The following SLC25A13 variants were observed in gnomAD, a reference collection of about 807,000 sequenced individuals.
SLC25A13 encodes the protein solute carrier family 25 member 13.
SLC25A13 carries 70 observed loss-of-function variants against 85.5 expected under a neutral mutation model. The observed-to-expected ratio is 0.82, with a 90% confidence interval of 0.68 to 1.00. The LOEUF is 1.00. Among genes scored for constraint, SLC25A13 ranks in the 50% least tolerant of loss-of-function variants. The pLI is 0.00. For synonymous variants in SLC25A13, 259 were observed against 288.7 expected, an observed-to-expected ratio of 0.90 and a Z score of 1.04; for missense variants, 765 against 819.8, an observed-to-expected ratio of 0.93 and a Z score of 0.82.
chr7:96,136,744 A>G (rs1321713628), intron 14 of SLC25A13, among the ~76,000 whole-genome samples: 1 of 152,068 alleles, frequency 6.6e-6, no homozygotes, highest in Non-Finnish European at 1.5e-5. Flanking sequence ...AGGTAATTAC[A>G]CTCACAAAGG....
At chr7:96,168,687 A>C (rs1051681685) in intron 13 of SLC25A13, among the ~76,000 whole-genome samples, 6 of 152,198 alleles carry the variant, frequency 3.9e-5, no homozygotes, top group African/African-American at 1.4e-4. Flanking sequence ...TTACATTTTA[A>C]TTCTTACAGA....
At chr7:96,231,048 T>C (rs957353536) in intron 4 of SLC25A13, among the ~76,000 whole-genome samples, 1 of 151,734 alleles carries the variant, frequency 6.6e-6, no homozygotes, top group Non-Finnish European at 1.5e-5. Flanking sequence ...TAAGCAGAGG[T>C]TGCAGTGAGC....
At chr7:96,280,237 G>C (rs1211299333) in intron 2 of SLC25A13, among the ~76,000 whole-genome samples, 1 of 151,962 alleles carries the variant, frequency 6.6e-6, no homozygotes, top group Non-Finnish European at 1.5e-5. Context: ...ACTAGTACCT[G>C]GTAGATAGTG....
chr7:96,226,148 A>C (rs1796321402), intron 4 of SLC25A13, among the ~76,000 whole-genome samples: 1 of 152,296 alleles, frequency 6.6e-6, no homozygotes, highest in Admixed American at 6.5e-5. Context: ...TGCTTAACCA[A>C]AACTTTATGC....
chr7:96,312,252 T>C (rs1799976924), intron 1 of SLC25A13, among the ~76,000 whole-genome samples: 1 of 152,172 alleles, frequency 6.6e-6, no homozygotes, highest in Admixed American at 6.5e-5. Context: ...CTCAAAGAAC[T>C]TAACTACTCT....
intron 2 of SLC25A13, among the ~76,000 whole-genome samples, chr7:96,290,597 GA>G (rs756252652): frequency 0.032 from 3,107 of 96,358 alleles, 93 homozygotes; most frequent in African/African-American, 0.095. Context: ...CAAGCAAATG[GA>G]AAAAAAAAAA....
At chr7:96,240,328 C>G (rs987299459) in intron 3 of SLC25A13, among the ~76,000 whole-genome samples, 1 of 152,240 alleles carries the variant, frequency 6.6e-6, no homozygotes, top group Admixed American at 6.5e-5. Flanking sequence ...GTTTGGTGAA[C>G]ATGAACTCAG....
At position 96,144,356 on chromosome 7, in the gene SLC25A13, T is replaced by C. The variant is rs930199474; in HGVS notation, c.1452+2200A>G. 2.0e-5 allele frequency among the ~76,000 whole-genome samples: 3 copies of C among 152,300 alleles called. No homozygotes were observed. The East Asian group carries it at 5.8e-4, about 29-fold the overall frequency. ...TGACTCCCGGGTCTCTGAATGTAGC[T>C]GATACTGATGACCAACAGGAAGATA... On this transcript the variant is annotated intron_variant, in intron 14 of 17. Transcript: ENST00000265631.
At chr7:96,315,113 A>G (rs1469868218) in intron 1 of SLC25A13, among the ~76,000 whole-genome samples, 7 of 152,316 alleles carry the variant, frequency 4.6e-5, no homozygotes, top group Non-Finnish European at 1.5e-5. Context: ...AAAACTGTAT[A>G]AACTTGATGC....
intron 4 of SLC25A13, among the ~76,000 whole-genome samples, chr7:96,231,613 A>C (rs1260162795): frequency 6.6e-6 from 1 of 151,894 alleles, no homozygotes; most frequent in African/African-American, 2.4e-5. Flanking sequence ...AGTCCCAGGC[A>C]CTCGAGAAAC....
At chr7:96,250,739 C>CAAAA (rs57574466) in intron 3 of SLC25A13, among the ~76,000 whole-genome samples, 16 of 118,368 alleles carry the variant, frequency 1.4e-4, no homozygotes, top group African/African-American at 4.8e-4. Flanking sequence ...AGACCTGTTA[C>CAAAA]AAAAAAAAAA....
chr7:96,166,604 T>C (rs1793756329), intron 13 of SLC25A13, among the ~76,000 whole-genome samples: 1 of 152,226 alleles, frequency 6.6e-6, no homozygotes, highest in Admixed American at 6.5e-5. Context: ...ACACTAGATA[T>C]ATAAAAGTCA....
intron 1 of SLC25A13, among the ~76,000 whole-genome samples, chr7:96,319,861 T>C (rs1427179673): frequency 6.6e-6 from 1 of 152,178 alleles, no homozygotes; most frequent in Non-Finnish European, 1.5e-5. Context: ...AGCTCCCAAG[T>C]AGTAAAAATG....
rs1434553031 is a variant in SLC25A13, at chr7:96,211,186, A to G, written c.329-2209T>C. Among the ~76,000 whole-genome samples the G allele has an allele frequency of 4.6e-5, 7 of 152,330 alleles. No homozygotes were observed. The East Asian group carries it at 1.3e-3, about 29-fold the overall frequency. On this transcript the variant is annotated intron_variant, in intron 4 of 17. Coordinates refer to ENST00000265631, the MANE Select transcript of SLC25A13 (RefSeq NM_014251.3). Reference sequence around the variant, plus strand: ...AATCTTATTTATCTATAATTAAAGTAACTACCATTTACTTCTTACTAGAGC... The same window carrying G: ...AATCTTATTTATCTATAATTAAAGTGACTACCATTTACTTCTTACTAGAGC...
In SLC25A13 at chr7:96,278,053, C is replaced by T. The variant is rs78841803; in HGVS notation, c.70-715G>A. Among the ~76,000 whole-genome samples, 1,359 of 152,266 alleles carry T rather than the reference C, an allele frequency of 8.9e-3. 5 individuals are homozygous for T. The highest frequency in any genetic ancestry group is 0.014 in the Non-Finnish European group (965 of 68,028). On this transcript the variant is annotated intron_variant, in intron 2 of 17. Transcript: ENST00000265631. ...TCAGTAAGAATTAGGTGGCAAACAA[C>T]GCTTCCTCACAGTGTTCTCCTAGGT...
chr7:96,163,989 C>T (rs1192355077), intron 13 of SLC25A13, among the ~76,000 whole-genome samples: 3 of 152,112 alleles, frequency 2.0e-5, no homozygotes, highest in African/African-American at 7.2e-5. Flanking sequence ...TTCTTTCATA[C>T]ATATTATCTC....
rs373871911 is a variant in SLC25A13, at chr7:96,217,901, G to GAAAAA, written c.329-8929_329-8925dup. Among the ~76,000 whole-genome samples, 8 of 96,218 alleles carry GAAAAA rather than the reference G, an allele frequency of 8.3e-5. 1 individual carries two copies. Among genetic ancestry groups the GAAAAA allele is most frequent in the African/African-American group, 2.9e-4 (8 of 27,482 alleles). The allele number at this position is 96,218 out of a possible 152,430, so 63.1% of individuals were successfully genotyped here. On this transcript the variant is annotated intron_variant, in intron 4 of 17. Coordinates refer to ENST00000265631, the MANE Select transcript of SLC25A13 (RefSeq NM_014251.3). ...ATTATATCTCAACAAAGCTTTCTCT[G>GAAAAA]AAAAAAAAAAACAAAAAACACCTAG...
chr7:96,318,568 C>T (rs1190453623), intron 1 of SLC25A13, among the ~76,000 whole-genome samples: 1 of 152,104 alleles, frequency 6.6e-6, no homozygotes, highest in Admixed American at 6.5e-5. Context: ...CGAAAGAAAA[C>T]AAACACTTCT....
intron 3 of SLC25A13, among the ~76,000 whole-genome samples, chr7:96,243,907 G>A (rs1797085352): frequency 6.6e-6 from 1 of 152,172 alleles, no homozygotes; most frequent in Non-Finnish European, 1.5e-5. Context: ...AGGGAAATCA[G>A]CTGCTGTTGA....
Sources: gnomAD v4.1 joint callset for allele counts (sites outside exome capture counted in the v4.1 genomes callset) on GRCh38, gnomAD v4.1.1 for gene constraint, MANE v1.5 for transcripts, NCBI Gene and HGNC (gene_info 2026-07-23, HGNC 2026-07-21) for gene names.